IQGAP1: variants seen among roughly 807,000 people sequenced by gnomAD.
The protein encoded by IQGAP1 is IQ motif containing GTPase activating protein 1.
Under a neutral mutation model 215.6 loss-of-function variants are expected in IQGAP1, and 66 were observed. The observed-to-expected ratio is 0.31, with a 90% CI of 0.25 to 0.38. IQGAP1 has a LOEUF of 0.38. IQGAP1 is among the 10% of genes least tolerant of loss of function. The pLI, the probability that IQGAP1 is intolerant of heterozygous loss-of-function variation, is 1.00. For missense variants in IQGAP1, 1,712 were observed against 1,997.1 expected, an observed-to-expected ratio of 0.86 and a Z score of 2.72; for synonymous variants, 772 against 728.7, an observed-to-expected ratio of 1.06 and a Z score of -0.96.
chr15:90,388,314 C>T lies in IQGAP1; in HGVS notation c.-28C>T, dbSNP rs761566411. On this transcript the variant is annotated 5_prime_UTR_variant, in exon 1 of 38. Coordinates refer to ENST00000268182, the MANE Select transcript of IQGAP1 (RefSeq NM_003870.4). ...CCGCGCCTCCAAGGTTTCACGGCTTCCTCAGCAGAGACTCGGGCTCGTCCG... is the reference window on the plus strand; with the variant it reads ...CCGCGCCTCCAAGGTTTCACGGCTTTCTCAGCAGAGACTCGGGCTCGTCCG... 2.5e-6 allele frequency: 4 copies of T among 1,597,736 alleles called. No individual in the cohort carries two copies. Among genetic ancestry groups the T allele is most frequent in the Admixed American group, 1.7e-5 (1 of 59,478 alleles).
chr15:90,498,861 G>A (rs532866373), intron 37 of IQGAP1, among the ~76,000 whole-genome samples: 8 of 149,114 alleles, frequency 5.4e-5, no homozygotes, highest in Admixed American at 4.7e-4. Flanking sequence ...CCAAGCTGCA[G>A]TGCAATGGCA....
chr15:90,444,290 T>TATATA (rs368829851), intron 9 of IQGAP1, among the ~76,000 whole-genome samples: 14 of 77,222 alleles, frequency 1.8e-4, no homozygotes, highest in Non-Finnish European at 2.3e-4. Flanking sequence ...TATATATATA[T>TATATA]TTTTTTTTTT....
intron 23 of IQGAP1, among the ~76,000 whole-genome samples, chr15:90,476,341 T>G (rs184388377): frequency 2.7e-4 from 41 of 152,356 alleles, no homozygotes; most frequent in African/African-American, 9.6e-4. Context: ...AAGCGTTTAT[T>G]ATAAATAACA....
In IQGAP1 at chr15:90,473,695, G is replaced by C. The variant is rs1188364264; in HGVS notation, c.2350-20G>C. On this transcript the variant is annotated intron_variant, in intron 19 of 37. Transcript: ENST00000268182. Reference sequence around the variant, plus strand: ...ATGCTTGGGAAGTAATATGTCTTCTGTAACATTTGACTGTTTCAGTCACAG... The same window carrying C: ...ATGCTTGGGAAGTAATATGTCTTCTCTAACATTTGACTGTTTCAGTCACAG... 1 of 1,569,204 alleles carries C rather than the reference G, an allele frequency of 6.4e-7. No homozygotes were observed. Among genetic ancestry groups the C allele is most frequent in the Non-Finnish European group, 8.8e-7 (1 of 1,141,700 alleles).
At chr15:90,464,110 T>C (rs1211986419) in intron 15 of IQGAP1, among the ~76,000 whole-genome samples, 1 of 152,194 alleles carries the variant, frequency 6.6e-6, no homozygotes, top group Non-Finnish European at 1.5e-5. Context: ...CAAATTATAT[T>C]CACATCGAGC....
chr15:90,421,263 G>A (rs952974693), intron 2 of IQGAP1, among the ~76,000 whole-genome samples: 1 of 152,112 alleles, frequency 6.6e-6, no homozygotes, highest in African/African-American at 2.4e-5. Context: ...ATCACCTGAG[G>A]TCAGGAGTTC....
intron 2 of IQGAP1, among the ~76,000 whole-genome samples, chr15:90,423,200 G>GT (rs1567121223): frequency 6.6e-6 from 1 of 152,148 alleles, no homozygotes; most frequent in Non-Finnish European, 1.5e-5. Context: ...CATTAAAAAT[G>GT]TTAACATGGC....
At chr15:90,426,027 A>G in intron 2 of IQGAP1, 83 bp from the exon 3 acceptor site, 1 of 1,332,554 alleles carries the variant, frequency 7.5e-7, no homozygotes, top group Non-Finnish European at 1.0e-6. Flanking sequence ...TTCTCCAAGG[A>G]GAATGGAAAT....
At chr15:90,411,374 G>A (rs1964963559) in intron 2 of IQGAP1, among the ~76,000 whole-genome samples, 1 of 151,964 alleles carries the variant, frequency 6.6e-6, no homozygotes, top group South Asian at 2.1e-4. Flanking sequence ...AACACCCCCA[G>A]GCTCAGATGA....
At chr15:90,431,020 TAA>T (rs957299622) in intron 4 of IQGAP1, among the ~76,000 whole-genome samples, 6 of 148,156 alleles carry the variant, frequency 4.0e-5, no homozygotes, top group African/African-American at 1.2e-4. Context: ...TTACATATTG[TAA>T]TATATAATCA....
rs1269861359 is a variant in IQGAP1 at position 90,501,982 on chromosome 15, T to C, written c.*1874T>C. 6.6e-6 allele frequency: 1 copy of C among 152,586 alleles called. No individual in the cohort carries two copies. The highest frequency in any genetic ancestry group is 2.4e-5 in the African/African-American group (1 of 41,446). 9.5% of individuals were successfully genotyped at this position (152,586 alleles called of 1,614,324 possible). ...GCTTCAAGAATGTTGATGATGATGA[T>C]ATAGAATTGTGGCTTTAGTAGCACA... On this transcript the variant is annotated 3_prime_UTR_variant, in exon 38 of 38. Transcript: ENST00000268182.
At chr15:90,462,581 A>G (rs1965778425) in intron 15 of IQGAP1, among the ~76,000 whole-genome samples, 1 of 152,212 alleles carries the variant, frequency 6.6e-6, no homozygotes, top group Admixed American at 6.5e-5. Context: ...AAACCAAGCC[A>G]CATAGTAAGT....
Position 90,388,359 on chromosome 15 carries a change from G to A in IQGAP1, c.18G>A (p.Glu6=), listed in dbSNP as rs748111139. The change falls in exon 1 of 38, where the codon GAG becomes GAA. Residue 6 remains glutamate (E), a synonymous_variant. Coordinates refer to ENST00000268182, the MANE Select transcript of IQGAP1 (RefSeq NM_003870.4). MSAAD[E]VDGLGVARPH... Reference sequence around the variant, plus strand: ...CGTCCGCCATGTCCGCCGCAGACGAGGTTGACGGGCTGGGCGTGGCCCGGC... The same window carrying A: ...CGTCCGCCATGTCCGCCGCAGACGAAGTTGACGGGCTGGGCGTGGCCCGGC... The A allele has an allele frequency of 1.3e-6, 2 of 1,595,172 alleles. No homozygotes were observed. The highest frequency in any genetic ancestry group is 1.1e-5 in the South Asian group (1 of 90,260).
chr15:90,410,172 T>G (rs1005356737), intron 2 of IQGAP1, among the ~76,000 whole-genome samples: 12 of 152,232 alleles, frequency 7.9e-5, no homozygotes, highest in African/African-American at 2.7e-4. Context: ...TTTCTCAATT[T>G]TGGCTTTTGT....
At chr15:90,481,218 G>A (rs1426693727) in intron 26 of IQGAP1, among the ~76,000 whole-genome samples, 1 of 150,730 alleles carries the variant, frequency 6.6e-6, no homozygotes. Flanking sequence ...TGCCTTTGTG[G>A]TCACATTGCC....
intron 5 of IQGAP1, among the ~76,000 whole-genome samples, chr15:90,434,739 A>G (rs376103046): frequency 9.3e-4 from 141 of 152,350 alleles, no homozygotes; most frequent in African/African-American, 3.3e-3. Context: ...CCAGTTGAGC[A>G]TGCCAAATCT....
At position 90,392,992 on chromosome 15, in the gene IQGAP1, G is replaced by A. The variant is rs551270410; in HGVS notation, c.155+2119G>A. ...ACTCCTGACCTCAGGTGATCCGCCC[G>A]TCTCAGCCTCCCAAAGTGCTGGAAT... On this transcript the variant is annotated intron_variant, in intron 2 of 37. Transcript: ENST00000268182. Among the ~76,000 whole-genome samples the A allele has an allele frequency of 1.5e-4, 23 of 151,876 alleles. No individual in the cohort carries two copies. In the South Asian group the frequency reaches 3.5e-3, roughly 23 times the overall value.
At chr15:90,482,142 AC>A in intron 27 of IQGAP1, 42 bp downstream of exon 27, 1 of 1,614,160 alleles carries the variant, frequency 6.2e-7, no homozygotes, top group Non-Finnish European at 8.5e-7. Flanking sequence ...AGAACCCAGC[AC>A]TAAGTGCCTT....
intron 2 of IQGAP1, among the ~76,000 whole-genome samples, chr15:90,399,940 C>T (rs1964781869): frequency 6.6e-6 from 1 of 152,004 alleles, no homozygotes; most frequent in Non-Finnish European, 1.5e-5. Context: ...ATATATATGA[C>T]TTTGTTATAC....
Sources: gnomAD v4.1 joint callset for allele counts (sites outside exome capture counted in the v4.1 genomes callset) on GRCh38, gnomAD v4.1.1 for gene constraint, MANE v1.5 for transcripts, NCBI Gene and HGNC (gene_info 2026-07-23, HGNC 2026-07-21) for gene names.